Variants in TBC1D19 observed in about 807,000 individuals in gnomAD.
TBC1D19 encodes the protein TBC1 domain family member 19.
Under a neutral mutation model 89.0 loss-of-function variants are expected in TBC1D19, and 60 were observed. The ratio of observed to expected loss-of-function variants is 0.67; its 90% CI spans 0.55 to 0.84. The LOEUF (loss-of-function observed/expected upper bound fraction) is 0.84. TBC1D19 is among the 40% of genes least tolerant of loss of function. The pLI, the probability that TBC1D19 is intolerant of heterozygous loss-of-function variation, is 0.00. For synonymous variants in TBC1D19, 189 were observed against 199.7 expected, an observed-to-expected ratio of 0.95 and a Z score of 0.45; for missense variants, 500 against 610.8, an observed-to-expected ratio of 0.82 and a Z score of 1.91.
chr4:26,837,588 T>G, the TBC1D19 span, among the ~76,000 whole-genome samples: 3 of 152,212 alleles, frequency 2.0e-5, no homozygotes, highest in South Asian at 6.2e-4. Flanking sequence ...ATCATTTGAT[T>G]TAAATTCCAA....
At chr4:26,722,734 A>G (rs965107676) in intron 15 of TBC1D19, among the ~76,000 whole-genome samples, 8 of 152,220 alleles carry the variant, frequency 5.3e-5, no homozygotes, top group African/African-American at 1.9e-4. Flanking sequence ...AGCAGCAGCA[A>G]ACATTTTCCA....
chr4:26,808,375 A>C, the TBC1D19 span, among the ~76,000 whole-genome samples: 1 of 152,154 alleles, frequency 6.6e-6, no homozygotes, highest in South Asian at 2.1e-4. Context: ...TTATGGAGCT[A>C]AGATATTCCC....
chr4:26,703,653 A>G (rs1715501119), intron 13 of TBC1D19, among the ~76,000 whole-genome samples: 1 of 152,152 alleles, frequency 6.6e-6, no homozygotes, highest in East Asian at 1.9e-4. Context: ...ATCCTTCTTT[A>G]AAGAAAATCT....
chr4:26,616,098 T>C (rs76849719), intron 3 of TBC1D19, among the ~76,000 whole-genome samples: 3,838 of 152,218 alleles, frequency 0.025, 136 homozygotes, highest in African/African-American at 0.086. Flanking sequence ...TTATTCCTCA[T>C]TTGGGTTCTG....
At chr4:26,768,053 G>C in the TBC1D19 span, among the ~76,000 whole-genome samples, 4 of 152,144 alleles carry the variant, frequency 2.6e-5, no homozygotes, top group Non-Finnish European at 5.9e-5. Context: ...GATGCACAGA[G>C]AGGGAACTCT....
At chr4:26,592,365 A>G (rs1266796338) in intron 1 of TBC1D19, among the ~76,000 whole-genome samples, 1 of 152,202 alleles carries the variant, frequency 6.6e-6, no homozygotes, top group African/African-American at 2.4e-5. Context: ...GTTTACGACA[A>G]ACCCACAGCC....
intron 1 of TBC1D19, among the ~76,000 whole-genome samples, chr4:26,590,103 T>C (rs939213438): frequency 1.3e-5 from 2 of 152,222 alleles, no homozygotes. Context: ...GTTCATTTCT[T>C]ACTGTCTTGT....
the TBC1D19 span, among the ~76,000 whole-genome samples, chr4:26,791,783 T>A: frequency 6.6e-6 from 1 of 152,222 alleles, no homozygotes; most frequent in African/African-American, 2.4e-5. Flanking sequence ...AGGAGCAGTT[T>A]TACTGAGGGA....
intron 7 of TBC1D19, among the ~76,000 whole-genome samples, chr4:26,657,538 G>GT (rs1744940480): frequency 6.6e-6 from 1 of 152,094 alleles, no homozygotes; most frequent in Non-Finnish European, 1.5e-5. Flanking sequence ...TGGTGCCTCA[G>GT]TAAACATACA....
At chr4:26,735,173 CAT>C (rs770871422) in intron 15 of TBC1D19, among the ~76,000 whole-genome samples, 51 of 151,182 alleles carry the variant, frequency 3.4e-4, no homozygotes, top group Non-Finnish European at 5.9e-4. Flanking sequence ...TGTATGTACA[CAT>C]ATATACACGT....
chr4:26,646,114 C>T (rs1743923808), intron 7 of TBC1D19, among the ~76,000 whole-genome samples: 1 of 132,702 alleles, frequency 7.5e-6, no homozygotes, highest in Admixed American at 7.9e-5. Flanking sequence ...CAGAGCGAGA[C>T]TCCGTCTCAA....
the TBC1D19 span, among the ~76,000 whole-genome samples, chr4:26,808,742 A>AAG: frequency 2.5e-3 from 376 of 150,400 alleles, 7 homozygotes; most frequent in East Asian, 0.044. Flanking sequence ...AAAAAAAAAA[A>AAG]AAAAGAAAAA....
chr4:26,804,203 C>G, the TBC1D19 span, among the ~76,000 whole-genome samples: 1 of 151,914 alleles, frequency 6.6e-6, no homozygotes, highest in South Asian at 2.1e-4. Context: ...AGGAGTGCAA[C>G]GGTGGGATCT....
intron 1 of TBC1D19, among the ~76,000 whole-genome samples, chr4:26,594,761 G>A (rs1025007957): frequency 6.2e-4 from 95 of 152,130 alleles, no homozygotes; most frequent in African/African-American, 2.2e-3. Flanking sequence ...CGACTGAGCC[G>A]GTGCACCTAA....
intron 1 of TBC1D19, among the ~76,000 whole-genome samples, chr4:26,599,789 AC>A (rs1330175675): frequency 6.6e-6 from 1 of 151,944 alleles, no homozygotes; most frequent in African/African-American, 2.4e-5. Flanking sequence ...CTACTAGAGT[AC>A]AAAAGAAATT....
chr4:26,780,164 A>T, the TBC1D19 span, among the ~76,000 whole-genome samples: 1 of 152,204 alleles, frequency 6.6e-6, no homozygotes, highest in African/African-American at 2.4e-5. Context: ...GAGAAGGGAA[A>T]AACTGAGACC....
intron 19 of TBC1D19, among the ~76,000 whole-genome samples, chr4:26,753,435 G>C (rs1359367978): frequency 6.6e-6 from 1 of 152,054 alleles, no homozygotes; most frequent in East Asian, 1.9e-4. Flanking sequence ...TTCAAGACCA[G>C]CCTAGGCAAC....
the TBC1D19 span, among the ~76,000 whole-genome samples, chr4:26,786,944 A>G: frequency 9.2e-5 from 14 of 152,196 alleles, no homozygotes; most frequent in Non-Finnish European, 1.8e-4. Flanking sequence ...TACTAGCTAC[A>G]TGACCTCAGG....
At chr4:26,857,694 G>C in the TBC1D19 span, 1 of 152,174 alleles carries the variant, frequency 6.6e-6, no homozygotes, top group African/African-American at 2.4e-5. Flanking sequence ...CATGCGCGGG[G>C]CTGCGGTGGC....
Sources: gnomAD v4.1 joint callset for allele counts (sites outside exome capture counted in the v4.1 genomes callset) on GRCh38, gnomAD v4.1.1 for gene constraint, MANE v1.5 for transcripts, NCBI Gene and HGNC (gene_info 2026-07-23, HGNC 2026-07-21) for gene names.